Variants in RHOBTB1 observed in about 807,000 individuals in gnomAD.
RHOBTB1 encodes the protein rho-related BTB domain-containing protein 1.
Under a neutral mutation model 71.6 loss-of-function variants are expected in RHOBTB1, and 40 were observed. That is an observed-to-expected ratio of 0.56 (90% CI 0.43 to 0.73). The LOEUF is 0.73. Ranked by LOEUF, RHOBTB1 falls within the 30% of genes least tolerant of loss-of-function variation. The pLI is 0.00. For missense variants in RHOBTB1, 797 were observed against 894.0 expected, an observed-to-expected ratio of 0.89 and a Z score of 1.38; for synonymous variants, 319 against 334.9, an observed-to-expected ratio of 0.95 and a Z score of 0.52.
chr10:60,919,261 G>C (rs539737033), intron 2 of RHOBTB1, among the ~76,000 whole-genome samples: 132 of 152,248 alleles, frequency 8.7e-4, no homozygotes, highest in Admixed American at 1.7e-3. Flanking sequence ...AAAAATACTA[G>C]TGCAACAAAT....
Position 60,886,176 on chromosome 10 carries a change from A to T in RHOBTB1, c.1511T>A (p.Ile504Asn), listed in dbSNP as rs1424147523. 1.2e-6 allele frequency: 2 copies of T among 1,613,980 alleles called. No individual in the cohort carries two copies. The highest frequency in any genetic ancestry group is 1.7e-6 in the Non-Finnish European group (2 of 1,179,972). ...GGCTGCCATCCACTCACAGCTACAG[A>T]TCAGCAGCGGCTTGTGGGCACTGAT... ...GAISAHKPLL[I>N]CSCEWMAAMF... Residue 504 changes from isoleucine (I) to asparagine (N), a missense_variant, in exon 7 of 11, where the codon ATC (isoleucine) becomes AAC (asparagine). Ile to Asn is a moderately radical substitution (Grantham distance 149). Transcript: ENST00000337910.
intron 2 of RHOBTB1, among the ~76,000 whole-genome samples, chr10:60,972,272 G>T (rs762947905): frequency 1.3e-5 from 2 of 152,066 alleles, no homozygotes; most frequent in Non-Finnish European, 2.9e-5. Flanking sequence ...CAATAGCAAA[G>T]ACTTGGAACC....
In RHOBTB1 at chr10:60,920,465, G is replaced by A. The variant is rs191077208; in HGVS notation, c.-10-8913C>T. 6.6e-5 allele frequency among the ~76,000 whole-genome samples: 10 copies of A among 152,226 alleles called. No individual in the cohort carries two copies. In the East Asian group the frequency reaches 1.4e-3, roughly 21 times the overall value. On this transcript the variant is annotated intron_variant, in intron 2 of 10. Coordinates refer to ENST00000337910, the MANE Select transcript of RHOBTB1 (RefSeq NM_014836.5). ...GAGAGGAAACAGGCCTGAAGAGCCC[G>A]AGGGATAGGAAGTGGGGAAGCCGGA...
At chr10:60,967,252 G>C (rs2085998115) in intron 2 of RHOBTB1, among the ~76,000 whole-genome samples, 1 of 147,990 alleles carries the variant, frequency 6.8e-6, no homozygotes, top group South Asian at 2.1e-4. Flanking sequence ...AAAAAATATA[G>C]CAGAATACAT....
intron 2 of RHOBTB1, among the ~76,000 whole-genome samples, chr10:60,980,326 C>A (rs979799830): frequency 6.6e-6 from 1 of 151,756 alleles, no homozygotes; most frequent in African/African-American, 2.4e-5. Context: ...GTCCGCTGGA[C>A]CAATTGGTAA....
chr10:60,942,861 T>A (rs907698541), intron 1 of RHOBTB1, among the ~76,000 whole-genome samples: 9 of 150,328 alleles, frequency 6.0e-5, no homozygotes, highest in Non-Finnish European at 7.4e-5. Flanking sequence ...ATAACGGTAT[T>A]TTTTTTTTTT....
downstream of RHOBTB1, among the ~76,000 whole-genome samples, chr10:60,864,610 C>T: frequency 6.6e-6 from 1 of 151,528 alleles, no homozygotes; most frequent in East Asian, 1.9e-4. Context: ...ATTTTTCTTT[C>T]TTTTTTTTTC....
At position 60,939,733 on chromosome 10, in the gene RHOBTB1, C is replaced by T. The variant is rs190970939; in HGVS notation, c.-11+2071G>A. On this transcript the variant is annotated intron_variant, in intron 2 of 10. Transcript: ENST00000337910. ...CCTATTTTCTAAAAGGAAGACCAAG[C>T]GACAGTTTTAAACATTTCTCTGTTT... is the stretch of plus-strand genomic sequence containing the variant. Among the ~76,000 whole-genome samples the T allele has an allele frequency of 4.4e-3, 671 of 152,230 alleles. 2 individuals are homozygous for T. The highest frequency in any genetic ancestry group is 7.4e-3 in the Non-Finnish European group (502 of 67,988).
intron 4 of RHOBTB1, among the ~76,000 whole-genome samples, chr10:60,894,657 C>T (rs2132842966): frequency 6.6e-6 from 1 of 152,234 alleles, no homozygotes. Flanking sequence ...CTGCTATAAG[C>T]TTCATCCTGA....
At chr10:60,909,630 A>G (rs2082865476) in intron 4 of RHOBTB1, among the ~76,000 whole-genome samples, 1 of 152,222 alleles carries the variant, frequency 6.6e-6, no homozygotes, top group Non-Finnish European at 1.5e-5. Context: ...TTACATGTAG[A>G]ACAATTGGAC....
chr10:60,976,244 G>A (rs1382561348), intron 2 of RHOBTB1, among the ~76,000 whole-genome samples: 3 of 151,632 alleles, frequency 2.0e-5, no homozygotes, highest in African/African-American at 4.8e-5. Flanking sequence ...TTTTTTAAAG[G>A]AGAAAATTTA....
At chr10:60,873,409 C>T (rs769839144) in intron 9 of RHOBTB1, among the ~76,000 whole-genome samples, 4 of 152,170 alleles carry the variant, frequency 2.6e-5, no homozygotes, top group Non-Finnish European at 5.9e-5. Context: ...CTTACCAGCA[C>T]ATCACTAGGT....
chr10:60,887,669 C>G (rs905762319), intron 6 of RHOBTB1, among the ~76,000 whole-genome samples: 2 of 152,172 alleles, frequency 1.3e-5, no homozygotes, highest in Non-Finnish European at 1.5e-5. Flanking sequence ...AGATGAGACA[C>G]CCCTTGTAGG....
intron 1 of RHOBTB1, among the ~76,000 whole-genome samples, chr10:60,989,807 C>G (rs2086793832): frequency 6.6e-6 from 1 of 152,068 alleles, no homozygotes; most frequent in African/African-American, 2.4e-5. Context: ...CCCCACACAG[C>G]AATGCAAGCA....
chr10:60,990,640 A>G (rs73268024), intron 1 of RHOBTB1, among the ~76,000 whole-genome samples: 2,086 of 152,064 alleles, frequency 0.014, 54 homozygotes, highest in African/African-American at 0.047. Context: ...GCCCCCCATG[A>G]CCCAGGAATC....
chr10:60,979,253 T>G (rs1327106153), intron 2 of RHOBTB1, among the ~76,000 whole-genome samples: 1 of 152,196 alleles, frequency 6.6e-6, no homozygotes, highest in African/African-American at 2.4e-5. Flanking sequence ...CCCAGTGTTT[T>G]GATCATGATT....
chr10:60,868,869 C>A (rs2080656548), downstream of RHOBTB1, among the ~76,000 whole-genome samples: 1 of 152,192 alleles, frequency 6.6e-6, no homozygotes, highest in South Asian at 2.1e-4. Flanking sequence ...TCATTGTTTT[C>A]TTTTCACAGC....
chr10:60,972,081 A>G (rs1270076400), intron 2 of RHOBTB1, among the ~76,000 whole-genome samples: 2 of 152,322 alleles, frequency 1.3e-5, no homozygotes, highest in Non-Finnish European at 2.9e-5. Flanking sequence ...ATGCTTTTAC[A>G]TTGTTGGTGG....
intron 1 of RHOBTB1, among the ~76,000 whole-genome samples, chr10:60,998,156 T>G (rs1200952421): frequency 6.6e-6 from 1 of 152,222 alleles, no homozygotes; most frequent in African/African-American, 2.4e-5. Flanking sequence ...GTCGTCTCCA[T>G]TATGGTACTC....
Sources: gnomAD v4.1 joint callset for allele counts (sites outside exome capture counted in the v4.1 genomes callset) on GRCh38, gnomAD v4.1.1 for gene constraint, MANE v1.5 for transcripts, NCBI Gene and HGNC (gene_info 2026-07-23, HGNC 2026-07-21) for gene names.